Variants in ZDHHC20 observed in about 807,000 individuals in gnomAD.
The protein encoded by ZDHHC20 is zDHHC palmitoyltransferase 20.
A neutral mutation model predicts 57.8 loss-of-function variants in ZDHHC20; 43 were observed. The ratio of observed to expected loss-of-function variants is 0.74; its 90% CI spans 0.58 to 0.96. The LOEUF (loss-of-function observed/expected upper bound fraction) is 0.96, where lower values mean the gene tolerates loss of function less well. ZDHHC20 is among the 40% of genes least tolerant of loss of function. The pLI is 0.00. For synonymous variants in ZDHHC20, 157 were observed against 153.0 expected (o/e 1.03, Z -0.19); for missense variants, 391 against 441.1 (o/e 0.89, Z 1.02).
intron 1 of ZDHHC20, among the ~76,000 whole-genome samples, chr13:21,441,409 GGA>G (rs1284139983): frequency 1.4e-5 from 2 of 146,500 alleles, no homozygotes; most frequent in East Asian, 3.9e-4. Context: ...TTTTTGAGAC[GGA>G]GTCTAGCACT....
intron 9 of ZDHHC20, among the ~76,000 whole-genome samples, chr13:21,384,167 C>A (rs1371175654): frequency 6.6e-6 from 1 of 151,314 alleles, no homozygotes; most frequent in East Asian, 2.0e-4. Context: ...GGGCCGGGTG[C>A]AGTGGCTCAC....
At chr13:21,417,303 C>A (rs1282047245) in intron 3 of ZDHHC20, among the ~76,000 whole-genome samples, 1 of 152,062 alleles carries the variant, frequency 6.6e-6, no homozygotes, top group Admixed American at 6.6e-5. Context: ...CTGTCTGTCT[C>A]TACCTTTAAG....
chr13:21,405,581 T>C (rs975013691), intron 4 of ZDHHC20, among the ~76,000 whole-genome samples: 1 of 152,222 alleles, frequency 6.6e-6, no homozygotes, highest in East Asian at 1.9e-4. Context: ...AGGGTGCTTT[T>C]AGTGCACCTG....
chr13:21,403,996 G>A (rs576380877), intron 4 of ZDHHC20, among the ~76,000 whole-genome samples: 1 of 152,184 alleles, frequency 6.6e-6, no homozygotes, highest in East Asian at 1.9e-4. Flanking sequence ...CGGGGAGAAT[G>A]AGGATTCTAA....
At chr13:21,408,029 GTA>G (rs1878697877) in intron 4 of ZDHHC20, among the ~76,000 whole-genome samples, 3 of 152,160 alleles carry the variant, frequency 2.0e-5, no homozygotes, top group Admixed American at 6.5e-5. Context: ...TAGCCTTGTA[GTA>G]TAGTTTGAGG....
chr13:21,434,735 A>G (rs1286683632), intron 1 of ZDHHC20, among the ~76,000 whole-genome samples: 1 of 151,942 alleles, frequency 6.6e-6, no homozygotes, highest in East Asian at 1.9e-4. Context: ...GAAATGTCCT[A>G]CAAATTCTAG....
At chr13:21,402,331 A>G (rs976219804) in intron 5 of ZDHHC20, among the ~76,000 whole-genome samples, 1 of 152,158 alleles carries the variant, frequency 6.6e-6, no homozygotes, top group South Asian at 2.1e-4. Context: ...AAAACCCACC[A>G]AACTCCAAAT....
At chr13:21,434,485 G>C (rs1217978178) in intron 1 of ZDHHC20, among the ~76,000 whole-genome samples, 1 of 151,998 alleles carries the variant, frequency 6.6e-6, no homozygotes. Flanking sequence ...CTTAGTCTTG[G>C]GTCCACAAGA....
At chr13:21,414,886 T>TA (rs1031230358) in intron 3 of ZDHHC20, among the ~76,000 whole-genome samples, 64 of 148,150 alleles carry the variant, frequency 4.3e-4, no homozygotes, top group Middle Eastern at 6.8e-3. Flanking sequence ...TTTCATAGAT[T>TA]AAAAAAAAAA....
chr13:21,435,257 T>G (rs1882424766), intron 1 of ZDHHC20, among the ~76,000 whole-genome samples: 1 of 152,172 alleles, frequency 6.6e-6, no homozygotes, highest in Admixed American at 6.5e-5. Flanking sequence ...CTATTGTGCT[T>G]GGTGATTCTG....
chr13:21,399,013 G>A (rs1877239476), intron 7 of ZDHHC20, among the ~76,000 whole-genome samples: 1 of 152,198 alleles, frequency 6.6e-6, no homozygotes, highest in Admixed American at 6.5e-5. Flanking sequence ...AATTTAAAGA[G>A]AGTTTAAATG....
chr13:21,453,598 T>A (rs1040832122), intron 1 of ZDHHC20, among the ~76,000 whole-genome samples: 1 of 152,138 alleles, frequency 6.6e-6, no homozygotes, highest in African/African-American at 2.4e-5. Flanking sequence ...CTGAATACAT[T>A]TTAAAGGATT....
At chr13:21,455,301 A>G (rs999200946) in intron 1 of ZDHHC20, among the ~76,000 whole-genome samples, 1 of 152,162 alleles carries the variant, frequency 6.6e-6, no homozygotes, top group Non-Finnish European at 1.5e-5. Flanking sequence ...AAGTTCTAAG[A>G]TTCTCTACAT....
chr13:21,424,130 T>C (rs989908664), intron 2 of ZDHHC20, among the ~76,000 whole-genome samples: 2 of 152,178 alleles, frequency 1.3e-5, no homozygotes, highest in African/African-American at 4.8e-5. Context: ...ACTTAAAAGA[T>C]GTTATCATTA....
chr13:21,426,353 A>C (rs1173136551), intron 1 of ZDHHC20, among the ~76,000 whole-genome samples: 1 of 152,078 alleles, frequency 6.6e-6, no homozygotes, highest in Non-Finnish European at 1.5e-5. Flanking sequence ...TGGTTCTACT[A>C]TCTAAGTCTC....
intron 3 of ZDHHC20, among the ~76,000 whole-genome samples, chr13:21,420,504 G>A (rs770840369): frequency 3.3e-5 from 5 of 152,068 alleles, no homozygotes; most frequent in Non-Finnish European, 5.9e-5. Context: ...AGAAATTTTC[G>A]GTGAAGGAAG....
intron 3 of ZDHHC20, among the ~76,000 whole-genome samples, chr13:21,417,042 C>T (rs1485176396): frequency 1.3e-5 from 2 of 152,102 alleles, no homozygotes; most frequent in African/African-American, 4.8e-5. Context: ...TATCAATCGG[C>T]CTGTTATATA....
intron 4 of ZDHHC20, among the ~76,000 whole-genome samples, chr13:21,406,725 T>A (rs1286635083): frequency 1.3e-5 from 2 of 152,236 alleles, no homozygotes; most frequent in African/African-American, 4.8e-5. Context: ...CATTCTTTTT[T>A]ATGGCTGCAT....
In ZDHHC20 at chr13:21,376,466, T is replaced by C. The variant is rs1872089973; in HGVS notation, c.*230A>G. The C allele has an allele frequency of 2.7e-6, 1 of 375,552 alleles. No homozygotes were observed. The highest frequency in any genetic ancestry group is 2.1e-5 in the African/African-American group (1 of 47,782). The allele number at this position is 375,552 out of a possible 1,614,324, so 23.3% of individuals were successfully genotyped here. A position where few individuals can be genotyped will look rare whatever the true frequency, so the allele number is the denominator to read the frequency against. ...CACTTTTGTAGCTCTAAGTCAATGC[T>C]GCACAAATGGACACTTAAGATTAAG... is the stretch of plus-strand genomic sequence containing the variant. On this transcript the variant is annotated 3_prime_UTR_variant, in exon 13 of 13. Coordinates refer to ENST00000400590, the MANE Select transcript of ZDHHC20 (RefSeq NM_001330059.2).
Sources: gnomAD v4.1 joint callset for allele counts (sites outside exome capture counted in the v4.1 genomes callset) on GRCh38, gnomAD v4.1.1 for gene constraint, MANE v1.5 for transcripts, NCBI Gene and HGNC (gene_info 2026-07-23, HGNC 2026-07-21) for gene names.